ASTN2: variants seen among roughly 807,000 people sequenced by gnomAD.
ASTN2 encodes astrotactin 2, also known as astrotactin-2.
In ASTN2, 54 loss-of-function variants were observed where a neutral mutation model predicts 139.8. The observed-to-expected ratio is 0.39, with a 90% CI of 0.31 to 0.48. The LOEUF is 0.48. Ranked by LOEUF, ASTN2 falls within the 20% of genes least tolerant of loss-of-function variation. The pLI, the probability that ASTN2 is intolerant of heterozygous loss-of-function variation, is 0.95. For missense variants in ASTN2, 1,565 were observed against 1,725.1 expected, an observed-to-expected ratio of 0.91 and a Z score of 1.64; for synonymous variants, 756 against 719.5, an observed-to-expected ratio of 1.05 and a Z score of -0.81.
intron 17 of ASTN2, 69 bp from the exon 18 acceptor site, chr9:116,620,512 A>T: frequency 6.3e-7 from 1 of 1,591,890 alleles, no homozygotes; most frequent in Non-Finnish European, 8.6e-7. Context: ...AAATGTGCTG[A>T]TGGCCATGAT....
chr9:117,327,732 C>G (rs1724338143), intron 1 of ASTN2, among the ~76,000 whole-genome samples: 1 of 152,154 alleles, frequency 6.6e-6, no homozygotes, highest in Non-Finnish European at 1.5e-5. Context: ...GCTCCCTTAT[C>G]CTCCCTCCTT....
intron 3 of ASTN2, among the ~76,000 whole-genome samples, chr9:117,152,715 C>A (rs1019361547): frequency 6.6e-6 from 1 of 152,030 alleles, no homozygotes. Context: ...AGGGGAGAAC[C>A]CCACTCTCTT....
At chr9:116,621,897 G>T (rs1856175313) in intron 17 of ASTN2, among the ~76,000 whole-genome samples, 1 of 152,166 alleles carries the variant, frequency 6.6e-6, no homozygotes, top group Non-Finnish European at 1.5e-5. Flanking sequence ...GATAACTTCA[G>T]TGTGTGCTTG....
intron 20 of ASTN2, among the ~76,000 whole-genome samples, chr9:116,478,288 CA>C (rs1235061699): frequency 6.7e-6 from 1 of 148,668 alleles, no homozygotes; most frequent in East Asian, 2.0e-4. Context: ...GGAAGAGAGC[CA>C]GGGAAGAAAA....
chr9:116,482,402 A>T (rs1849199414), intron 20 of ASTN2, among the ~76,000 whole-genome samples: 1 of 152,186 alleles, frequency 6.6e-6, no homozygotes. Context: ...GATAGTACAC[A>T]TACCTTAGAA....
intron 1 of ASTN2, among the ~76,000 whole-genome samples, chr9:117,382,658 T>G (rs1830301747): frequency 6.6e-6 from 1 of 152,318 alleles, no homozygotes; most frequent in South Asian, 2.1e-4. Flanking sequence ...TAGTAGTGAC[T>G]GCTTTGGAGC....
At chr9:116,911,915 AC>A (rs1255279967) in intron 10 of ASTN2, among the ~76,000 whole-genome samples, 1 of 152,110 alleles carries the variant, frequency 6.6e-6, no homozygotes, top group Non-Finnish European at 1.5e-5. Context: ...AAACAAACAA[AC>A]AAAACCTCTG....
chr9:116,477,617 G>A (rs1052875236), intron 20 of ASTN2, among the ~76,000 whole-genome samples: 27 of 151,950 alleles, frequency 1.8e-4, no homozygotes, highest in African/African-American at 6.3e-4. Flanking sequence ...AAAGAAGAGC[G>A]ACCCTAGGGC....
At chr9:117,008,411 G>T in intron 6 of ASTN2, 152 bp from the exon 7 acceptor site, 2 of 607,948 alleles carry the variant, frequency 3.3e-6, no homozygotes, top group Non-Finnish European at 5.3e-6. Flanking sequence ...TCATGGTGTT[G>T]CAAGCCCATA....
intron 19 of ASTN2, among the ~76,000 whole-genome samples, chr9:116,497,915 C>T (rs921795383): frequency 6.6e-6 from 1 of 152,138 alleles, no homozygotes; most frequent in Non-Finnish European, 1.5e-5. Context: ...CGATGTGCTT[C>T]CTATCAGATT....
chr9:117,010,456 C>T (rs1469654648), intron 6 of ASTN2, among the ~76,000 whole-genome samples: 6 of 152,182 alleles, frequency 3.9e-5, no homozygotes, highest in Admixed American at 1.3e-4. Context: ...AAACCCTCTA[C>T]TTCAGGAAAG....
chr9:117,046,026 A>ATGTG (rs1554772775), intron 5 of ASTN2, among the ~76,000 whole-genome samples: 5,195 of 145,408 alleles, frequency 0.036, 139 homozygotes, highest in Middle Eastern at 0.078. Flanking sequence ...GTATGTATGT[A>ATGTG]GTCTCACTCT....
chr9:116,648,804 C>T (rs536697966), intron 17 of ASTN2, among the ~76,000 whole-genome samples: 5 of 151,896 alleles, frequency 3.3e-5, no homozygotes, highest in African/African-American at 7.3e-5. Flanking sequence ...GAGGCTGAGG[C>T]GAGCAGATTG....
chr9:116,912,281 T>C (rs1302376941), intron 10 of ASTN2, among the ~76,000 whole-genome samples: 2 of 152,224 alleles, frequency 1.3e-5, no homozygotes, highest in East Asian at 1.9e-4. Context: ...TCTCAAACTT[T>C]TGGCTTCTTG....
chr9:116,728,894 AT>A, intron 15 of ASTN2, 97 bp downstream of exon 15: 1 of 971,518 alleles, frequency 1.0e-6, no homozygotes, highest in Non-Finnish European at 1.5e-6. Context: ...TTTCCTCAGC[AT>A]CCCCAGTGCT....
chr9:117,018,792 A>G (rs17397828), intron 6 of ASTN2, among the ~76,000 whole-genome samples: 7,506 of 152,218 alleles, frequency 0.049, 297 homozygotes, highest in South Asian at 0.16. Flanking sequence ...TCACTCATTG[A>G]ATGCACATGG....
At chr9:117,035,199 A>G (rs558068679) in intron 6 of ASTN2, among the ~76,000 whole-genome samples, 40 of 152,282 alleles carry the variant, frequency 2.6e-4, no homozygotes, top group Middle Eastern at 3.4e-3. Flanking sequence ...CTGGTCTCAA[A>G]TGGAGCTTCT....
intron 1 of ASTN2, among the ~76,000 whole-genome samples, chr9:117,399,017 C>G (rs1330503557): frequency 1.3e-5 from 2 of 152,122 alleles, no homozygotes; most frequent in East Asian, 1.9e-4. Context: ...TCCTGAACAC[C>G]TTGTGATCTG....
At chr9:116,487,293 C>A (rs1849371306) in intron 20 of ASTN2, 66 bp downstream of exon 20, 8 of 1,582,506 alleles carry the variant, frequency 5.1e-6, no homozygotes, top group South Asian at 2.3e-5. Flanking sequence ...ATAACTCATG[C>A]CATTCCTCTT....
Sources: gnomAD v4.1 joint callset for allele counts (sites outside exome capture counted in the v4.1 genomes callset) on GRCh38, gnomAD v4.1.1 for gene constraint, MANE v1.5 for transcripts, NCBI Gene and HGNC (gene_info 2026-07-23, HGNC 2026-07-21) for gene names.